Variants in NDUFAF2 observed in about 807,000 individuals in gnomAD.
NDUFAF2 encodes the protein NADH:ubiquinone oxidoreductase complex assembly factor 2, also known as NADH dehydrogenase [ubiquinone] 1 alpha subcomplex assembly factor 2.
Under a neutral mutation model 22.8 loss-of-function variants are expected in NDUFAF2, and 13 were observed. The ratio of observed to expected loss-of-function variants is 0.57; its 90% CI spans 0.37 to 0.91. The LOEUF (loss-of-function observed/expected upper bound fraction) is 0.91, where lower values mean the gene tolerates loss of function less well. Ranked by LOEUF, NDUFAF2 falls within the 40% of genes least tolerant of loss-of-function variation. The probability of loss-of-function intolerance (pLI) is 0.01; values close to 1 mark genes in which losing one functional copy is unlikely to be tolerated. For synonymous variants in NDUFAF2, 53 were observed against 64.2 expected (o/e 0.83, Z 0.84); for missense variants, 162 against 195.2 (o/e 0.83, Z 1.01).
chr5:60,991,188 ATGTT>A (rs968663061), intron 1 of NDUFAF2, among the ~76,000 whole-genome samples: 47 of 152,200 alleles, frequency 3.1e-4, no homozygotes, highest in Middle Eastern at 6.8e-3. Context: ...GTTTTTAAAA[ATGTT>A]TGTGGGTACA....
At chr5:60,994,129 G>T (rs1190483279) in intron 1 of NDUFAF2, among the ~76,000 whole-genome samples, 2 of 152,226 alleles carry the variant, frequency 1.3e-5, no homozygotes, top group Non-Finnish European at 2.9e-5. Flanking sequence ...TGTCAGCACT[G>T]CCCTGATCAT....
intron 1 of NDUFAF2, among the ~76,000 whole-genome samples, chr5:61,066,592 T>A (rs1752231169): frequency 2.7e-5 from 2 of 73,084 alleles, no homozygotes; most frequent in South Asian, 9.7e-4. Context: ...TATGGTCAAC[T>A]AATTTTTGAT....
At chr5:61,072,863 A>G (rs1561557127) in intron 1 of NDUFAF2, among the ~76,000 whole-genome samples, 1 of 152,158 alleles carries the variant, frequency 6.6e-6, no homozygotes, top group Admixed American at 6.5e-5. Flanking sequence ...CGGCCTCCCA[A>G]AGTGCTGGGA....
At chr5:61,077,103 G>A (rs1002057515) in intron 2 of NDUFAF2, among the ~76,000 whole-genome samples, 2 of 152,218 alleles carry the variant, frequency 1.3e-5, no homozygotes, top group African/African-American at 2.4e-5. Flanking sequence ...TCCAAGTAGA[G>A]ATGTTAAATT....
At chr5:60,950,873 T>C (rs1309006428) in intron 1 of NDUFAF2, among the ~76,000 whole-genome samples, 2 of 152,106 alleles carry the variant, frequency 1.3e-5, no homozygotes, top group Non-Finnish European at 2.9e-5. Context: ...TAGCAACCAC[T>C]GATCTTTTTA....
intron 1 of NDUFAF2, among the ~76,000 whole-genome samples, chr5:60,981,786 C>T (rs369685553): frequency 1.3e-5 from 2 of 152,060 alleles, no homozygotes; most frequent in African/African-American, 4.8e-5. Flanking sequence ...ATAGAGAATC[C>T]AGAAGTAAAT....
intron 1 of NDUFAF2, among the ~76,000 whole-genome samples, chr5:61,011,828 C>T (rs1293236583): frequency 6.6e-6 from 1 of 152,138 alleles, no homozygotes; most frequent in African/African-American, 2.4e-5. Flanking sequence ...TCGTTATACC[C>T]GAACTCAATG....
At chr5:61,041,005 A>G (rs1490844962) in intron 1 of NDUFAF2, among the ~76,000 whole-genome samples, 66 of 152,198 alleles carry the variant, frequency 4.3e-4, no homozygotes, top group Non-Finnish European at 4.4e-5. Context: ...CTCCAATATT[A>G]TAGAGCACAG....
At chr5:61,078,538 CTA>C (rs1430706176) in intron 2 of NDUFAF2, among the ~76,000 whole-genome samples, 2 of 152,028 alleles carry the variant, frequency 1.3e-5, no homozygotes, top group Middle Eastern at 3.2e-3. Context: ...TCCAGGAGTT[CTA>C]GACCAGCCTG....
chr5:60,988,994 T>C (rs1003572602), intron 1 of NDUFAF2, among the ~76,000 whole-genome samples: 3 of 152,182 alleles, frequency 2.0e-5, no homozygotes, highest in Non-Finnish European at 4.4e-5. Flanking sequence ...ACAGACAATC[T>C]ACAAAATATG....
At chr5:61,073,086 G>T (rs777278050) in intron 1 of NDUFAF2, 39 bp from the exon 2 acceptor site, 2 of 1,255,606 alleles carry the variant, frequency 1.6e-6, no homozygotes, top group Non-Finnish European at 2.3e-6. Context: ...CTGTATCATA[G>T]GTTCATTTAA....
intron 3 of NDUFAF2, among the ~76,000 whole-genome samples, chr5:61,103,354 T>A (rs1284064694): frequency 1.3e-5 from 2 of 152,136 alleles, no homozygotes; most frequent in East Asian, 3.8e-4. Context: ...TTTAATTCCT[T>A]TTAAAAGGCC....
intron 3 of NDUFAF2, among the ~76,000 whole-genome samples, chr5:61,099,396 G>A (rs1216025968): frequency 2.6e-5 from 4 of 151,172 alleles, no homozygotes; most frequent in Non-Finnish European, 4.4e-5. Flanking sequence ...TTGTGGAAAA[G>A]TTTGAGAAAC....
In NDUFAF2 at chr5:61,107,382, C is replaced by G. The variant is rs186533449; in HGVS notation, c.258+8350C>G. On this transcript the variant is annotated intron_variant, in intron 3 of 3. Coordinates refer to ENST00000296597, the MANE Select transcript of NDUFAF2 (RefSeq NM_174889.5). The stretch of plus-strand genomic sequence containing the variant: ...ATATACCTGTTTGCCATTTGCATGT[C>G]TTCTTTTGGGAAATGTCTATCCAGA... Among the ~76,000 whole-genome samples the G allele has an allele frequency of 4.3e-3, 653 of 151,398 alleles. 3 individuals carry two copies. The highest frequency in any genetic ancestry group is 0.01 in the South Asian group (50 of 4,818).
intron 1 of NDUFAF2, among the ~76,000 whole-genome samples, chr5:61,052,955 C>T (rs1391578553): frequency 1.3e-5 from 2 of 152,258 alleles, no homozygotes; most frequent in Non-Finnish European, 2.9e-5. Flanking sequence ...CTACCTTTAG[C>T]AGCTCCATTT....
chr5:61,108,833 G>A (rs1421489072), intron 3 of NDUFAF2, among the ~76,000 whole-genome samples: 1 of 152,068 alleles, frequency 6.6e-6, no homozygotes, highest in African/African-American at 2.4e-5. Flanking sequence ...CTGTTTATAT[G>A]CCAGTACCAT....
chr5:61,007,273 C>T (rs972623571), intron 1 of NDUFAF2, among the ~76,000 whole-genome samples: 4 of 151,552 alleles, frequency 2.6e-5, no homozygotes, highest in African/African-American at 9.7e-5. Flanking sequence ...GTCTTTAATC[C>T]ATCTTGAATT....
chr5:61,150,804 G>A (rs1365848872), intron 3 of NDUFAF2, among the ~76,000 whole-genome samples: 2 of 152,114 alleles, frequency 1.3e-5, no homozygotes, highest in African/African-American at 4.8e-5. Context: ...TTAAGACACA[G>A]GGACTTGAAT....
intron 1 of NDUFAF2, among the ~76,000 whole-genome samples, chr5:61,067,380 A>C (rs901031179): frequency 6.8e-6 from 1 of 146,096 alleles, no homozygotes; most frequent in Admixed American, 7.1e-5. Context: ...TCATTGTTCA[A>C]TTCCCACCTA....
Sources: allele counts gnomAD v4.1 joint callset (sites outside exome capture counted in the v4.1 genomes callset), GRCh38; gene constraint gnomAD v4.1.1; transcripts MANE v1.5; gene names NCBI Gene and HGNC (gene_info 2026-07-23, HGNC 2026-07-21).